ARAP1: variants seen among roughly 807,000 people sequenced by gnomAD.
The protein encoded by ARAP1 is arf-GAP with Rho-GAP domain, ANK repeat and PH domain-containing protein 1.
Under a neutral mutation model 172.2 loss-of-function variants are expected in ARAP1, and 76 were observed. The ratio of observed to expected loss-of-function variants is 0.44; its 90% CI spans 0.37 to 0.53. ARAP1 has a LOEUF of 0.53. Ranked by LOEUF, ARAP1 falls within the 20% of genes least tolerant of loss-of-function variation. ARAP1 has a pLI of 0.00. For synonymous variants in ARAP1, 804 were observed against 803.3 expected, an observed-to-expected ratio of 1.00 and a Z score of -0.01; for missense variants, 1,686 against 1,977.5, an observed-to-expected ratio of 0.85 and a Z score of 2.80.
Position 72,693,633 on chromosome 11 carries a change from A to AC in ARAP1, c.3808+58dup. On this transcript the variant is annotated intron_variant, in intron 28 of 34. Transcript: ENST00000393609. This position sits in a 1 kb window ranked among gnomAD's most constrained non-coding sequence, Gnocchi z 4.6. Reference sequence around the variant, plus strand: ...TTCCTACCTGGCACCACCAGGTCCCACCCTGGCTCTGGAAGAGAGGACCAC... The same window carrying AC: ...TTCCTACCTGGCACCACCAGGTCCCACCCCTGGCTCTGGAAGAGAGGACCAC... 1 of 1,542,970 alleles carries AC rather than the reference A, an allele frequency of 6.5e-7. No homozygotes were observed. Among genetic ancestry groups the AC allele is most frequent in the South Asian group, 1.2e-5 (1 of 83,118 alleles).
chr11:72,745,182 C>CTTTTTT (rs902550014), intron 1 of ARAP1, among the ~76,000 whole-genome samples: 82 of 88,298 alleles, frequency 9.3e-4, no homozygotes, highest in African/African-American at 2.1e-3. Context: ...AAGTTTCTTT[C>CTTTTTT]TTTTTTTTTT....
chr11:72,735,326 G>T (rs906073702), intron 1 of ARAP1, among the ~76,000 whole-genome samples: 9 of 151,882 alleles, frequency 5.9e-5, no homozygotes, highest in African/African-American at 2.2e-4. Context: ...AACACAAACT[G>T]AGGGCCGGGC....
chr11:72,704,179 G>C lies in ARAP1; in HGVS notation c.1965C>G (p.Leu655=). 7 of 1,614,170 alleles carry C rather than the reference G, an allele frequency of 4.3e-6. No homozygotes were observed. The highest frequency in any genetic ancestry group is 5.9e-6 in the Non-Finnish European group (7 of 1,180,022). ...REGKYRRYHP[L]FGNQEELDKA... ...TGTCCAGCTCCTCCTGGTTGCCAAAGAGCGGGTGGTAGCGGCGGTACTTGC... is the reference window on the plus strand; with the variant it reads ...TGTCCAGCTCCTCCTGGTTGCCAAACAGCGGGTGGTAGCGGCGGTACTTGC... Residue 655 remains leucine (L), a synonymous_variant, in exon 14 of 35, where the codon CTC becomes CTG. Coordinates refer to ENST00000393609, the MANE Select transcript of ARAP1 (RefSeq NM_001040118.3).
Position 72,697,589 on chromosome 11 carries a change from G to A in ARAP1, c.2789+9C>T, listed in dbSNP as rs752142757. 5 of 1,614,034 alleles carry A rather than the reference G, an allele frequency of 3.1e-6. No homozygotes were observed. The highest frequency in any genetic ancestry group is 2.2e-5 in the East Asian group (1 of 44,880). On this transcript the variant is annotated intron_variant, in intron 20 of 34. Transcript: ENST00000393609. Reference sequence around the variant, plus strand: ...CTTCTCAGAGCCCCTCAGGGAGGCCGTGGCTCACCTCCTTCGCTCCACCAG... The same window carrying A: ...CTTCTCAGAGCCCCTCAGGGAGGCCATGGCTCACCTCCTTCGCTCCACCAG...
intron 1 of ARAP1, among the ~76,000 whole-genome samples, chr11:72,747,478 T>C (rs1383666964): frequency 1.3e-5 from 2 of 152,108 alleles, no homozygotes; most frequent in East Asian, 1.9e-4. Context: ...AGAAAAGACT[T>C]GGACCTTGTA....
At chr11:72,689,005 C>A in intron 30 of ARAP1, 1 of 158,874 alleles carries the variant, frequency 6.3e-6, no homozygotes, top group Admixed American at 6.2e-5. Context: ...ATTTCTCAGC[C>A]CTCTCTGCCC....
chr11:72,705,950 C>T (rs1856739595), intron 12 of ARAP1, 60 bp from the exon 13 acceptor site: 2 of 1,565,988 alleles, frequency 1.3e-6, no homozygotes, highest in East Asian at 2.3e-5. Context: ...GAGCACTTAC[C>T]CACCCCCAGT....
At chr11:72,727,266 C>G in intron 2 of ARAP1, 94 bp from the exon 3 acceptor site, 1 of 1,137,102 alleles carries the variant, frequency 8.8e-7, no homozygotes, top group South Asian at 1.6e-5. Flanking sequence ...GCCATAGGTT[C>G]AAGTTCTGTC....
chr11:72,694,907 G>C, intron 27 of ARAP1, 73 bp downstream of exon 27: 1 of 1,336,306 alleles, frequency 7.5e-7, no homozygotes, highest in Non-Finnish European at 1.1e-6. Flanking sequence ...GCAGGGTAGG[G>C]GAGGACAGAC....
intron 30 of ARAP1, among the ~76,000 whole-genome samples, chr11:72,690,183 C>G (rs538794255): frequency 7.3e-4 from 111 of 152,204 alleles, no homozygotes; most frequent in African/African-American, 2.6e-3. Context: ...TAGAAGCAAG[C>G]AGTCAAGTGA....
chr11:72,717,058 T>C (rs1425775433), intron 3 of ARAP1, among the ~76,000 whole-genome samples: 1 of 152,038 alleles, frequency 6.6e-6, no homozygotes, highest in Admixed American at 6.6e-5. Context: ...CAATAGCATG[T>C]GGACAAGGTG....
chr11:72,705,954 C>T, intron 12 of ARAP1, 64 bp from the exon 13 acceptor site: 2 of 1,544,850 alleles, frequency 1.3e-6, no homozygotes, highest in Non-Finnish European at 1.8e-6. Context: ...ACTTACCCAC[C>T]CCCAGTGTCT....
Position 72,695,819 on chromosome 11 carries a change from C to T in ARAP1, c.3319G>A (p.Ala1107Thr), listed in dbSNP as rs778607456. The stretch of plus-strand genomic sequence containing the variant: ...AAGAGCGTGGGCCCAAACACAATTG[C>T]CAGGTTGTGCACGTTCATCTGGTTC... Reference protein sequence around the residue: ...DTNQMNVHNLAIVFGPTLFQT... With the variant: ...DTNQMNVHNLTIVFGPTLFQT... Residue 1107 changes from alanine to threonine, a missense_variant, in exon 24 of 35, where the codon GCA becomes ACA. Ala to Thr is a moderately conservative substitution (Grantham distance 58). Coordinates refer to ENST00000393609, the MANE Select transcript of ARAP1 (RefSeq NM_001040118.3). This position sits in a 1 kb window ranked among gnomAD's most constrained non-coding sequence, Gnocchi z 4.4. 6.2e-7 allele frequency: 1 copy of T among 1,614,010 alleles called. No individual in the cohort carries two copies. The highest frequency in any genetic ancestry group is 8.5e-7 in the Non-Finnish European group (1 of 1,179,976).
chr11:72,712,568 C>T lies in ARAP1; in HGVS notation c.748G>A (p.Glu250Lys), dbSNP rs1240336366. The change falls in exon 6 of 35, where the codon GAG becomes AAG. Residue 250 changes from glutamate (E) to lysine (K), a missense_variant and splice_region_variant. Glu to Lys is a moderately conservative substitution (Grantham distance 56). Coordinates refer to ENST00000393609, the MANE Select transcript of ARAP1 (RefSeq NM_001040118.3). ...GGGACTCGGCTCGGTGGGGGCTCCTCCTGCCCCCGAGACCCACTCAGCGTC... is the reference window on the plus strand; with the variant it reads ...GGGACTCGGCTCGGTGGGGGCTCCTTCTGCCCCCGAGACCCACTCAGCGTC... Reference protein sequence around the residue: ...GAPARVMTKKEEPPPSRVPRA... With the variant: ...GAPARVMTKKKEPPPSRVPRA... The T allele has an allele frequency of 6.2e-7, 1 of 1,612,120 alleles. No individual in the cohort carries two copies.
chr11:72,707,506 C>CTT, intron 11 of ARAP1, 132 bp from the exon 12 acceptor site: 9 of 777,500 alleles, frequency 1.2e-5, no homozygotes, highest in Non-Finnish European at 1.8e-5. Context: ...GCATCCCACT[C>CTT]TGGTAGGGAA....
rs747481932 is a variant in ARAP1 at position 72,695,460 on chromosome 11, A to T, written c.3508-5T>A. 1 of 1,614,250 alleles carries T rather than the reference A, an allele frequency of 6.2e-7. No individual in the cohort carries two copies. Among genetic ancestry groups the T allele is most frequent in the Admixed American group, 1.7e-5 (1 of 60,036 alleles). ...GCAGATGAAGTCACCGGCATGCTGCAGGGAGACAGGGCTCAGCTGGGGGCC... is the reference window on the plus strand; with the variant it reads ...GCAGATGAAGTCACCGGCATGCTGCTGGGAGACAGGGCTCAGCTGGGGGCC... On this transcript the variant is annotated splice_region_variant and splice_polypyrimidine_tract_variant and intron_variant, in intron 25 of 34. Transcript: ENST00000393609. This position sits in a 1 kb window ranked among gnomAD's most constrained non-coding sequence, Gnocchi z 4.4.
In ARAP1 at chr11:72,686,210, G is replaced by A. The variant is rs1187804367; in HGVS notation, c.4186-19C>T. 5 of 1,603,930 alleles carry A rather than the reference G, an allele frequency of 3.1e-6. No individual in the cohort carries two copies. The highest frequency in any genetic ancestry group is 3.4e-6 in the Non-Finnish European group (4 of 1,173,306). On this transcript the variant is annotated intron_variant, in intron 33 of 34. Coordinates refer to ENST00000393609, the MANE Select transcript of ARAP1 (RefSeq NM_001040118.3). Reference sequence around the variant, plus strand: ...CGTCATGCTGGGGAGCAGAGAGGAAGGGGCTGGGCTCAGCTTCAGTTCACC... The same window carrying A: ...CGTCATGCTGGGGAGCAGAGAGGAAAGGGCTGGGCTCAGCTTCAGTTCACC...
At position 72,710,497 on chromosome 11, in the gene ARAP1, A is replaced by G; in HGVS notation, c.1304T>C (p.Val435Ala). The G allele has an allele frequency of 6.2e-7, 1 of 1,613,920 alleles. No individual in the cohort carries two copies. Among genetic ancestry groups the G allele is most frequent in the South Asian group, 1.1e-5 (1 of 91,080 alleles). Reference protein sequence around the residue: ...ARLSSAYLLGVPGSEQPDRAG... With the variant: ...ARLSSAYLLGAPGSEQPDRAG... ...GCGGTCAGGCTGCTCTGAGCCTGGA[A>G]CTCCCAGCAGATAAGCGCTAGAGAG... The change falls in exon 10 of 35, where the codon GTT (valine) becomes GCT (alanine). Residue 435 changes from valine to alanine, a missense_variant. Physicochemically the swap from Val to Ala is moderately conservative, Grantham distance 64. This residue lies in a region of ARAP1 where 688 missense variants were observed against 856.9 expected (regional missense o/e 0.80). Transcript: ENST00000393609. The surrounding 1 kb of genome is among the most constrained non-coding windows in gnomAD (Gnocchi z 4.3).
At chr11:72,748,640 C>A (rs1470911172) in intron 1 of ARAP1, among the ~76,000 whole-genome samples, 1 of 152,194 alleles carries the variant, frequency 6.6e-6, no homozygotes, top group African/African-American at 2.4e-5. Context: ...AGGCTCTTCC[C>A]CTCTGTACTA....
Sources: gnomAD v4.1 joint callset for allele counts (sites outside exome capture counted in the v4.1 genomes callset) on GRCh38, gnomAD v4.1.1 for gene constraint, gnomAD v4.1.1 regional missense constraint, Gnocchi (gnomAD v3.1) non-coding constraint, MANE v1.5 for transcripts, NCBI Gene and HGNC (gene_info 2026-07-23, HGNC 2026-07-21) for gene names.